The following SND1 variants were observed in gnomAD, a reference collection of about 807,000 sequenced individuals.
SND1 encodes staphylococcal nuclease domain-containing protein 1.
Under a neutral mutation model 121.7 loss-of-function variants are expected in SND1, and 38 were observed. The observed-to-expected ratio is 0.31, with a 90% CI of 0.24 to 0.41. The LOEUF (loss-of-function observed/expected upper bound fraction) is 0.41, where lower values mean the gene tolerates loss of function less well. Ranked by LOEUF, SND1 falls within the 10% of genes least tolerant of loss-of-function variation. The pLI, the probability that SND1 is intolerant of heterozygous loss-of-function variation, is 1.00. For missense variants in SND1, 868 were observed against 1,184.6 expected, an observed-to-expected ratio of 0.73 and a Z score of 3.92; for synonymous variants, 401 against 447.4, an observed-to-expected ratio of 0.90 and a Z score of 1.31.
At chr7:127,928,962 C>CA (rs1193384297) in intron 14 of SND1, among the ~76,000 whole-genome samples, 1 of 152,164 alleles carries the variant, frequency 6.6e-6, no homozygotes, top group Admixed American at 6.5e-5. Flanking sequence ...TCTCATTTTC[C>CA]AAGCACCCTT....
intron 14 of SND1, among the ~76,000 whole-genome samples, chr7:127,920,065 A>T (rs192493165): frequency 6.6e-6 from 1 of 152,218 alleles, no homozygotes; most frequent in African/African-American, 2.4e-5. Context: ...TCACATCATT[A>T]CTAAAGCATT....
Position 127,964,080 on chromosome 7 carries a change from C to G in SND1, c.1670-26867C>G, listed in dbSNP as rs1338803315. Among the ~76,000 whole-genome samples the G allele has an allele frequency of 2.7e-5, 4 of 150,524 alleles. No individual in the cohort carries two copies. The South Asian group carries it at 8.4e-4, about 32-fold the overall frequency. On this transcript the variant is annotated intron_variant, in intron 15 of 23. Coordinates refer to ENST00000354725, the MANE Select transcript of SND1 (RefSeq NM_014390.4). ...TTGAGAAGTGTCTGTTCATGTCCTTCGCCCACTTTTTGATGGGGTTGTTTG... is the reference window on the plus strand; with the variant it reads ...TTGAGAAGTGTCTGTTCATGTCCTTGGCCCACTTTTTGATGGGGTTGTTTG...
intron 10 of SND1, among the ~76,000 whole-genome samples, chr7:127,753,304 A>T (rs1797135210): frequency 6.6e-6 from 1 of 152,142 alleles, no homozygotes; most frequent in Non-Finnish European, 1.5e-5. Context: ...CAATAGCAAC[A>T]ATGATAATAG....
chr7:127,908,408 C>T (rs763543654), intron 14 of SND1, among the ~76,000 whole-genome samples: 4 of 149,926 alleles, frequency 2.7e-5, no homozygotes, highest in Non-Finnish European at 5.9e-5. Flanking sequence ...TTTAGGGTAA[C>T]CACTAAAGGA....
At chr7:127,808,163 C>CTTTT (rs11418632) in intron 11 of SND1, among the ~76,000 whole-genome samples, 4 of 125,596 alleles carry the variant, frequency 3.2e-5, no homozygotes, top group Admixed American at 8.1e-5. Flanking sequence ...TTGATGGCTT[C>CTTTT]TTTTTTTTTT....
At chr7:127,709,795 T>C (rs957077067) in intron 9 of SND1, among the ~76,000 whole-genome samples, 2 of 151,998 alleles carry the variant, frequency 1.3e-5, no homozygotes, top group Admixed American at 6.5e-5. Flanking sequence ...TCTGTAGAAA[T>C]TGAAACATAA....
chr7:127,707,055 GTTTT>G (rs890546564), intron 8 of SND1, among the ~76,000 whole-genome samples: 2 of 151,966 alleles, frequency 1.3e-5, no homozygotes, highest in Non-Finnish European at 2.9e-5. Flanking sequence ...GGCTACATAG[GTTTT>G]TTTAAACTCT....
At chr7:127,971,985 G>C (rs1376904400) in intron 15 of SND1, among the ~76,000 whole-genome samples, 1 of 151,874 alleles carries the variant, frequency 6.6e-6, no homozygotes, top group Non-Finnish European at 1.5e-5. Flanking sequence ...GTGTTGCCCA[G>C]GCTGGTCTCG....
At chr7:127,814,536 T>C (rs2116590409) in intron 11 of SND1, among the ~76,000 whole-genome samples, 1 of 152,184 alleles carries the variant, frequency 6.6e-6, no homozygotes, top group African/African-American at 2.4e-5. Flanking sequence ...TATTGCTATC[T>C]TTTTTCAGTA....
intron 10 of SND1, among the ~76,000 whole-genome samples, chr7:127,801,851 T>C (rs951288171): frequency 2.1e-4 from 32 of 150,266 alleles, no homozygotes; most frequent in African/African-American, 7.4e-4. Flanking sequence ...TATAGAACTC[T>C]TTTTTTTTGA....
At chr7:128,005,617 C>T (rs375241037) in intron 16 of SND1, among the ~76,000 whole-genome samples, 47 of 152,348 alleles carry the variant, frequency 3.1e-4, no homozygotes, top group African/African-American at 1.1e-3. Context: ...CTCCCAATGC[C>T]TGTTAGGTTG....
At chr7:127,734,493 G>A (rs962039119) in intron 10 of SND1, among the ~76,000 whole-genome samples, 24 of 152,264 alleles carry the variant, frequency 1.6e-4, no homozygotes, top group East Asian at 1.4e-3. Context: ...AGCTGAACTC[G>A]GTAAGGCAGA....
chr7:127,764,038 C>CAAAAA (rs60053474), intron 10 of SND1, among the ~76,000 whole-genome samples: 3 of 76,494 alleles, frequency 3.9e-5, no homozygotes, highest in African/African-American at 8.5e-5. Context: ...GACCCTGTCG[C>CAAAAA]AAAAAAAAAA....
chr7:128,058,893 G>A (rs1793185913), intron 16 of SND1, among the ~76,000 whole-genome samples: 1 of 152,046 alleles, frequency 6.6e-6, no homozygotes, highest in Non-Finnish European at 1.5e-5. Flanking sequence ...TGTCTCAGCA[G>A]GTGGGTGGGC....
At chr7:127,843,805 A>G (rs184847533) in intron 11 of SND1, among the ~76,000 whole-genome samples, 3 of 152,352 alleles carry the variant, frequency 2.0e-5, no homozygotes, top group African/African-American at 7.2e-5. Flanking sequence ...ATAAGAAATG[A>G]CTAAACTATC....
rs35128808 is a variant in SND1 at position 128,088,279 on chromosome 7, T to TAA, written c.2419-1188_2419-1187dup. 9.5e-4 allele frequency among the ~76,000 whole-genome samples: 99 copies of TAA among 104,336 alleles called. 1 individual carries two copies. The highest frequency in any genetic ancestry group is 2.7e-3 in the African/African-American group (69 of 25,428). 68.4% of individuals were successfully genotyped at this position (104,336 alleles called of 152,430 possible). On this transcript the variant is annotated intron_variant, in intron 21 of 23. Transcript: ENST00000354725. Reference sequence around the variant, plus strand: ...GGGCAACATAGCAAGACCCTGTCTCTAAAAAAAAAAAAAAAAAAAAAAATA... The same window carrying TAA: ...GGGCAACATAGCAAGACCCTGTCTCTAAAAAAAAAAAAAAAAAAAAAAAAATA...
At chr7:127,689,831 G>T (rs1562979401) in intron 2 of SND1, among the ~76,000 whole-genome samples, 1 of 151,870 alleles carries the variant, frequency 6.6e-6, no homozygotes, top group Admixed American at 6.6e-5. Flanking sequence ...CTGTGATTTG[G>T]TTTTCCTCCT....
At chr7:127,720,711 T>G (rs1796479715) in intron 9 of SND1, among the ~76,000 whole-genome samples, 1 of 152,222 alleles carries the variant, frequency 6.6e-6, no homozygotes, top group Admixed American at 6.5e-5. Flanking sequence ...TTTCAGAGTA[T>G]CTGAGGTAAT....
intron 13 of SND1, among the ~76,000 whole-genome samples, chr7:127,890,650 G>A (rs1799994418): frequency 6.6e-6 from 1 of 152,116 alleles, no homozygotes; most frequent in African/African-American, 2.4e-5. Flanking sequence ...GGGCTGCTCT[G>A]GAAAGTGAGG....
Sources: allele counts gnomAD v4.1 joint callset (sites outside exome capture counted in the v4.1 genomes callset), GRCh38; gene constraint gnomAD v4.1.1; transcripts MANE v1.5; gene names NCBI Gene and HGNC (gene_info 2026-07-23, HGNC 2026-07-21).